RIMS2: variants seen among roughly 807,000 people sequenced by gnomAD.
The protein encoded by RIMS2 is regulating synaptic membrane exocytosis protein 2.
In RIMS2, 59 loss-of-function variants were observed where a neutral mutation model predicts 174.4. The observed-to-expected ratio is 0.34, with a 90% CI of 0.27 to 0.42. The LOEUF is 0.42. RIMS2 is among the 10% of genes least tolerant of loss of function. The pLI is 1.00. For missense variants in RIMS2, 1,620 were observed against 1,666.3 expected (o/e 0.97, Z 0.48); for synonymous variants, 606 against 572.5 (o/e 1.06, Z -0.84).
intron 1 of RIMS2, among the ~76,000 whole-genome samples, chr8:103,611,226 C>G (rs890059587): frequency 6.6e-6 from 1 of 151,990 alleles, no homozygotes; most frequent in African/African-American, 2.4e-5. Flanking sequence ...TTTCATTCCC[C>G]TGTTTTAAAA....
intron 3 of RIMS2, among the ~76,000 whole-genome samples, chr8:103,791,180 G>A (rs911456463): frequency 6.6e-6 from 1 of 152,140 alleles, no homozygotes; most frequent in Admixed American, 6.5e-5. Flanking sequence ...GAGAAGGTCG[G>A]GTTACCCACA....
At chr8:103,603,605 G>C (rs1030539181) in intron 1 of RIMS2, among the ~76,000 whole-genome samples, 1 of 151,618 alleles carries the variant, frequency 6.6e-6, no homozygotes, top group Non-Finnish European at 1.5e-5. Flanking sequence ...CTAGTTTACA[G>C]TCCCACCAAC....
intron 19 of RIMS2, among the ~76,000 whole-genome samples, chr8:104,171,200 G>A (rs935823618): frequency 6.6e-6 from 1 of 152,074 alleles, no homozygotes; most frequent in Non-Finnish European, 1.5e-5. Flanking sequence ...GCAAGGCCAA[G>A]GAAGTTTTCC....
intron 19 of RIMS2, among the ~76,000 whole-genome samples, chr8:104,169,032 T>C (rs1311291291): frequency 4.6e-5 from 7 of 152,216 alleles, no homozygotes; most frequent in Admixed American, 4.6e-4. Flanking sequence ...TTTGATATGC[T>C]GTTGGATTTG....
At chr8:103,514,796 G>A (rs1439425674) in intron 1 of RIMS2, among the ~76,000 whole-genome samples, 1 of 151,992 alleles carries the variant, frequency 6.6e-6, no homozygotes, top group Non-Finnish European at 1.5e-5. Flanking sequence ...TACTTGGAAG[G>A]CTGAGGCAGG....
At chr8:104,025,705 G>GTATA (rs200632253) in intron 19 of RIMS2, among the ~76,000 whole-genome samples, 1 of 111,638 alleles carries the variant, frequency 9.0e-6, no homozygotes, top group South Asian at 3.2e-4. Context: ...GTTGTTAAAC[G>GTATA]TATACACACA....
At chr8:103,568,973 C>A in intron 1 of RIMS2, 1 of 625,834 alleles carries the variant, frequency 1.6e-6, no homozygotes. Context: ...GCTGCATGAG[C>A]TGATCACCGT....
intron 1 of RIMS2, among the ~76,000 whole-genome samples, chr8:103,640,268 C>A (rs992360415): frequency 6.6e-6 from 1 of 151,618 alleles, no homozygotes; most frequent in African/African-American, 2.4e-5. Context: ...TAATTTGTGT[C>A]TTTTCTTTTT....
intron 19 of RIMS2, among the ~76,000 whole-genome samples, chr8:104,243,016 A>G (rs926785037): frequency 6.6e-6 from 1 of 152,194 alleles, no homozygotes; most frequent in African/African-American, 2.4e-5. Flanking sequence ...ATTGATTCCA[A>G]TGGAGGTTGC....
In RIMS2 at chr8:104,106,678, T is replaced by C. The variant is rs538981970; in HGVS notation, c.3334+92063T>C. Among the ~76,000 whole-genome samples, 36 of 152,004 alleles carry C rather than the reference T, an allele frequency of 2.4e-4. 1 individual carries two copies. In the South Asian group the frequency reaches 6.9e-3, roughly 29 times the overall value. On this transcript the variant is annotated intron_variant, in intron 19 of 23. Coordinates refer to ENST00000504942, the Ensembl canonical transcript of RIMS2. ...AATAAATTCTACTGTATGAAATAAT[T>C]ACAGTAGAAAAAAATGCTGCAGTAG...
intron 1 of RIMS2, among the ~76,000 whole-genome samples, chr8:103,590,783 G>A (rs1363182531): frequency 6.6e-6 from 1 of 151,110 alleles, no homozygotes; most frequent in Non-Finnish European, 1.5e-5. Context: ...TGAGGATAAT[G>A]TTTTTGAGAT....
chr8:103,763,826 C>G (rs1314311751), intron 2 of RIMS2, among the ~76,000 whole-genome samples: 1 of 152,190 alleles, frequency 6.6e-6, no homozygotes, highest in Non-Finnish European at 1.5e-5. Flanking sequence ...ACTACTTGTA[C>G]AGTCAGCAGT....
intron 1 of RIMS2, among the ~76,000 whole-genome samples, chr8:103,566,522 T>A (rs181979339): frequency 6.6e-6 from 1 of 152,344 alleles, no homozygotes; most frequent in Admixed American, 6.5e-5. Context: ...TTTTTCTACT[T>A]TCCACTTAAT....
intron 2 of RIMS2, among the ~76,000 whole-genome samples, chr8:103,701,869 A>T (rs1165654993): frequency 6.6e-6 from 1 of 152,070 alleles, no homozygotes; most frequent in African/African-American, 2.4e-5. Flanking sequence ...TATTTTGGCT[A>T]TTGTGAATAG....
chr8:103,771,560 C>T lies in RIMS2; in HGVS notation c.698+5023C>T, dbSNP rs887379024. Among the ~76,000 whole-genome samples the T allele has an allele frequency of 5.3e-5, 8 of 152,136 alleles. No individual in the cohort carries two copies. The East Asian group carries it at 1.4e-3, about 26-fold the overall frequency. On this transcript the variant is annotated intron_variant, in intron 3 of 23. Transcript: ENST00000504942. ...GAGAAAGAACTAGAAGTCAGAAGACCTAGGCCCTGTTCTCACCTTTTCCCC... is the reference window on the plus strand; with the variant it reads ...GAGAAAGAACTAGAAGTCAGAAGACTTAGGCCCTGTTCTCACCTTTTCCCC...
intron 19 of RIMS2, among the ~76,000 whole-genome samples, chr8:104,087,610 A>G (rs1007038357): frequency 1.3e-5 from 2 of 152,116 alleles, no homozygotes; most frequent in African/African-American, 4.8e-5. Context: ...ACCTAACTGT[A>G]CTTCCTTCTG....
chr8:104,223,915 C>G, intron 19 of RIMS2: 1 of 788,114 alleles, frequency 1.3e-6, no homozygotes, highest in South Asian at 1.7e-5. Context: ...CTCTCCGGGA[C>G]TGTGCCGGGG....
intron 19 of RIMS2, among the ~76,000 whole-genome samples, chr8:104,145,275 A>G (rs2098625426): frequency 6.6e-6 from 1 of 152,096 alleles, no homozygotes; most frequent in Non-Finnish European, 1.5e-5. Flanking sequence ...CTTTTGACAT[A>G]TATTGCCAAG....
Position 103,652,715 on chromosome 8 carries a change from GTAAGCTGATC to G in RIMS2, c.177-44368_177-44359del. ...AAATGAAAAGGAGCCCCAGACGTAA[GTAAGCTGATC>G]TATATAGACTAAATATTATCTCTGA... On this transcript the variant is annotated intron_variant, in intron 1 of 23. Coordinates refer to ENST00000504942, the Ensembl canonical transcript of RIMS2. The G allele has an allele frequency of 1.5e-6, 2 of 1,337,858 alleles. No individual in the cohort carries two copies. The highest frequency in any genetic ancestry group is 2.0e-6 in the Non-Finnish European group (2 of 1,010,776). The allele number at this position is 1,337,858 out of a possible 1,614,324, so 82.9% of individuals were successfully genotyped here. A position where few individuals can be genotyped will look rare whatever the true frequency, so the allele number is the denominator to read the frequency against.
Sources: allele counts gnomAD v4.1 joint callset (sites outside exome capture counted in the v4.1 genomes callset), GRCh38; gene constraint gnomAD v4.1.1; transcripts MANE v1.5; gene names NCBI Gene and HGNC (gene_info 2026-07-23, HGNC 2026-07-21).